Variants in RPN2 observed in about 807,000 individuals in gnomAD.
RPN2 encodes the protein ribophorin II.
In RPN2, 29 loss-of-function variants were observed where a neutral mutation model predicts 71.4. The ratio of observed to expected loss-of-function variants is 0.41; its 90% CI spans 0.30 to 0.55. The LOEUF (loss-of-function observed/expected upper bound fraction) is 0.55. Among genes scored for constraint, RPN2 ranks in the 20% least tolerant of loss-of-function variants. RPN2 has a pLI of 0.35. For missense variants in RPN2, 726 were observed against 774.1 expected, an observed-to-expected ratio of 0.94 and a Z score of 0.74; for synonymous variants, 308 against 305.0, an observed-to-expected ratio of 1.01 and a Z score of -0.10.
intron 6 of RPN2, among the ~76,000 whole-genome samples, chr20:37,206,813 A>C (rs1245625584): frequency 2.0e-5 from 3 of 151,922 alleles, no homozygotes; most frequent in Non-Finnish European, 4.4e-5. Flanking sequence ...GGTTCAAGCA[A>C]TTCTCGTGCC....
In RPN2 at chr20:37,220,757, C is replaced by T. The variant is rs1006575984; in HGVS notation, c.1093-3121C>T. Among the ~76,000 whole-genome samples, 8 of 152,110 alleles carry T rather than the reference C, an allele frequency of 5.3e-5. No homozygotes were observed. The East Asian group carries it at 5.8e-4, about 11-fold the overall frequency. On this transcript the variant is annotated intron_variant, in intron 9 of 16. Coordinates refer to ENST00000237530, the MANE Select transcript of RPN2 (RefSeq NM_002951.5). ...TAAAAGAGGGCTTTGGAAAAAGTTA[C>T]GATTTTTATTTCTAAATTTGCTTTA...
intron 9 of RPN2, among the ~76,000 whole-genome samples, chr20:37,222,357 A>C (rs941258138): frequency 6.6e-6 from 1 of 151,864 alleles, no homozygotes; most frequent in African/African-American, 2.4e-5. Context: ...TCAAAAGTAG[A>C]TGGTAATATC....
chr20:37,190,018 G>A (rs2067108363), intron 2 of RPN2, among the ~76,000 whole-genome samples: 1 of 152,204 alleles, frequency 6.6e-6, no homozygotes, highest in Non-Finnish European at 1.5e-5. Flanking sequence ...TGAGGTATAG[G>A]AGATAACATT....
In RPN2 at chr20:37,199,368, C is replaced by T. The variant is rs924340468; in HGVS notation, c.479+143C>T. The T allele has an allele frequency of 6.7e-5, 70 of 1,042,000 alleles. No homozygotes were observed. The Admixed American group carries it at 9.7e-4, about 14-fold the overall frequency. 64.5% of individuals were successfully genotyped at this position (1,042,000 alleles called of 1,614,324 possible). A position where few individuals can be genotyped will look rare whatever the true frequency, so the allele number is the denominator to read the frequency against. On this transcript the variant is annotated intron_variant, in intron 4 of 16. Coordinates refer to ENST00000237530, the MANE Select transcript of RPN2 (RefSeq NM_002951.5). ...GTGTGCCAGGTGCTCTGCAAGGCAC[C>T]GCAGACATGATTGCATGAAGGCAAG...
intron 14 of RPN2, 105 bp from the exon 15 acceptor site, chr20:37,233,915 A>G: frequency 1.6e-6 from 2 of 1,259,092 alleles, no homozygotes; most frequent in Non-Finnish European, 2.3e-6. Context: ...GGATGCATGA[A>G]CTTTGAAGCC....
At chr20:37,193,244 G>T (rs535025937) in intron 2 of RPN2, among the ~76,000 whole-genome samples, 1 of 152,310 alleles carries the variant, frequency 6.6e-6, no homozygotes, top group African/African-American at 2.4e-5. Context: ...TGTATCCCCA[G>T]TTCCTAGAAC....
At chr20:37,199,254 G>A in intron 4 of RPN2, 29 bp downstream of exon 4, 1 of 1,610,922 alleles carries the variant, frequency 6.2e-7, no homozygotes, top group Non-Finnish European at 8.5e-7. Context: ...CATTTCTCAG[G>A]CTTCATTTGT....
At chr20:37,180,552 G>A (rs1311910760) in intron 1 of RPN2, among the ~76,000 whole-genome samples, 2 of 152,100 alleles carry the variant, frequency 1.3e-5, no homozygotes, top group Admixed American at 6.6e-5. Flanking sequence ...GGGAATTTAC[G>A]GTCTAGGTGG....
chr20:37,227,389 C>G (rs1356492012), intron 11 of RPN2, among the ~76,000 whole-genome samples: 1 of 152,186 alleles, frequency 6.6e-6, no homozygotes, highest in Non-Finnish European at 1.5e-5. Context: ...TAGAGACCTT[C>G]CAGGTGGAGG....
intron 4 of RPN2, among the ~76,000 whole-genome samples, chr20:37,203,299 G>C (rs1238613759): frequency 6.6e-6 from 1 of 151,306 alleles, no homozygotes; most frequent in African/African-American, 2.4e-5. Context: ...TGTGAATGTA[G>C]TAAGCACCCC....
chr20:37,236,326 A>C (rs1534970), intron 15 of RPN2, among the ~76,000 whole-genome samples: 1 of 152,038 alleles, frequency 6.6e-6, no homozygotes, highest in Non-Finnish European at 1.5e-5. Context: ...CTCCTGAGCA[A>C]TCCTCCTGCC....
rs2066945527 is a variant in RPN2 at position 37,184,108 on chromosome 20, G to A, written c.14-72G>A. On this transcript the variant is annotated intron_variant, in intron 1 of 16. Transcript: ENST00000237530. ...TGATTTGGTTCCCAGATCTTGGTGTGCATCATCATTGGGACTGTGTATAGC... is the reference window on the plus strand; with the variant it reads ...TGATTTGGTTCCCAGATCTTGGTGTACATCATCATTGGGACTGTGTATAGC... 3 of 1,554,998 alleles carry A rather than the reference G, an allele frequency of 1.9e-6. No individual in the cohort carries two copies. The Admixed American group carries it at 5.0e-5, about 26-fold the overall frequency.
intron 2 of RPN2, among the ~76,000 whole-genome samples, chr20:37,195,680 T>TA (rs962204477): frequency 1.4e-4 from 22 of 152,066 alleles, no homozygotes; most frequent in African/African-American, 4.8e-4. Flanking sequence ...GAAGTAGAGG[T>TA]AGTCATTGTT....
chr20:37,237,808 C>G (rs114036400), intron 16 of RPN2, among the ~76,000 whole-genome samples: 8 of 152,150 alleles, frequency 5.3e-5, no homozygotes, highest in Admixed American at 2.6e-4. Flanking sequence ...AAAGCAGAAC[C>G]CTGTTCCCTT....
chr20:37,193,858 C>T (rs1011699920), intron 2 of RPN2, among the ~76,000 whole-genome samples: 1 of 152,036 alleles, frequency 6.6e-6, no homozygotes, highest in Non-Finnish European at 1.5e-5. Flanking sequence ...GAATTATCTG[C>T]ATAGAATTTT....
In RPN2 at chr20:37,195,814, C is replaced by T. The variant is rs574196211; in HGVS notation, c.208-2583C>T. Among the ~76,000 whole-genome samples the T allele has an allele frequency of 2.6e-5, 4 of 152,220 alleles. No homozygotes were observed. In the East Asian group the frequency reaches 5.8e-4, roughly 22 times the overall value. On this transcript the variant is annotated intron_variant, in intron 2 of 16. Coordinates refer to ENST00000237530, the MANE Select transcript of RPN2 (RefSeq NM_002951.5). ...GTAGCTTTACTTATTCTCTTCAGAT[C>T]CCTAATTGATGCAAAGTGAAGTATT...
chr20:37,203,130 G>T (rs146388764), intron 4 of RPN2, among the ~76,000 whole-genome samples: 2 of 152,016 alleles, frequency 1.3e-5, no homozygotes, highest in Non-Finnish European at 2.9e-5. Context: ...TCACTGTATT[G>T]CCCAGGCTGG....
At chr20:37,179,500 G>C (rs1340750461) in intron 1 of RPN2, 131 bp downstream of exon 1, 1 of 1,307,174 alleles carries the variant, frequency 7.7e-7, no homozygotes, top group African/African-American at 1.6e-5. Context: ...CTCTGGCTGG[G>C]GCGCTCTCGG....
chr20:37,194,268 T>C (rs1237553458), intron 2 of RPN2, among the ~76,000 whole-genome samples: 1 of 151,872 alleles, frequency 6.6e-6, no homozygotes, highest in Non-Finnish European at 1.5e-5. Flanking sequence ...GTTGTTGTTG[T>C]TGTTGTTGTT....
Sources: gnomAD v4.1 joint callset for allele counts (sites outside exome capture counted in the v4.1 genomes callset) on GRCh38, gnomAD v4.1.1 for gene constraint, MANE v1.5 for transcripts, NCBI Gene and HGNC (gene_info 2026-07-23, HGNC 2026-07-21) for gene names.